ULK4: variants seen among roughly 807,000 people sequenced by gnomAD.
The protein encoded by ULK4 is unc-51 like kinase 4.
Under a neutral mutation model 160.6 loss-of-function variants are expected in ULK4, and 133 were observed. That is an observed-to-expected ratio of 0.83 (90% confidence interval 0.72 to 0.96). The LOEUF (loss-of-function observed/expected upper bound fraction) is 0.96. Among genes scored for constraint, ULK4 ranks in the 40% least tolerant of loss-of-function variants. The pLI is 0.00. For synonymous variants in ULK4, 534 were observed against 539.8 expected, an observed-to-expected ratio of 0.99 and a Z score of 0.15; for missense variants, 1,580 against 1,499.5, an observed-to-expected ratio of 1.05 and a Z score of -0.89.
chr3:41,409,561 G>A (rs1487856090), intron 34 of ULK4, among the ~76,000 whole-genome samples: 1 of 152,116 alleles, frequency 6.6e-6, no homozygotes, highest in Non-Finnish European at 1.5e-5. Flanking sequence ...ATTTTTTAAT[G>A]AGCAAAGACT....
chr3:41,928,418 C>T (rs906966805), intron 5 of ULK4, among the ~76,000 whole-genome samples: 5 of 151,958 alleles, frequency 3.3e-5, no homozygotes, highest in Admixed American at 6.6e-5. Flanking sequence ...AAAATTGACA[C>T]CCTAACATCG....
chr3:41,706,802 T>C (rs1344475441), intron 25 of ULK4, among the ~76,000 whole-genome samples: 1 of 134,844 alleles, frequency 7.4e-6, no homozygotes, highest in East Asian at 2.2e-4. Context: ...CAGTCCAGCC[T>C]GGCCGACAGA....
chr3:41,597,080 C>T (rs1325296495), intron 31 of ULK4, among the ~76,000 whole-genome samples: 1 of 152,156 alleles, frequency 6.6e-6, no homozygotes, highest in Non-Finnish European at 1.5e-5. Flanking sequence ...CCTGCACGCT[C>T]CCCTCTCAGG....
intron 32 of ULK4, among the ~76,000 whole-genome samples, chr3:41,492,234 T>C (rs1178419468): frequency 6.6e-6 from 1 of 152,178 alleles, no homozygotes; most frequent in Admixed American, 6.5e-5. Context: ...TATAGTCCTT[T>C]GGGTATATAC....
intron 32 of ULK4, among the ~76,000 whole-genome samples, chr3:41,556,419 C>T (rs1052546166): frequency 1.3e-5 from 2 of 151,068 alleles, no homozygotes; most frequent in Non-Finnish European, 2.9e-5. Flanking sequence ...CATCACAGAG[C>T]TATCACTACT....
At chr3:41,372,325 C>A (rs187068503) in intron 35 of ULK4, among the ~76,000 whole-genome samples, 1 of 152,036 alleles carries the variant, frequency 6.6e-6, no homozygotes, top group African/African-American at 2.4e-5. Context: ...GGAAGAGCAA[C>A]CCCAAGAAAC....
At chr3:41,471,788 TA>T (rs900424835) in intron 32 of ULK4, among the ~76,000 whole-genome samples, 3 of 151,602 alleles carry the variant, frequency 2.0e-5, no homozygotes, top group African/African-American at 4.8e-5. Context: ...AAGGAAAATT[TA>T]AAAAAATTGA....
chr3:41,602,215 G>A (rs2032111479), intron 31 of ULK4, among the ~76,000 whole-genome samples: 1 of 142,708 alleles, frequency 7.0e-6, no homozygotes, highest in South Asian at 2.2e-4. Context: ...GGGAAGGGAA[G>A]GAAGAGAAGA....
Position 41,935,918 on chromosome 3 carries a change from A to G in ULK4, c.261T>C (p.Ile87=). 1.2e-6 allele frequency: 2 copies of G among 1,613,752 alleles called. No homozygotes were observed. The highest frequency in any genetic ancestry group is 1.7e-6 in the Non-Finnish European group (2 of 1,179,916). ...CTTCTGGGAGGTTTTCATCTTGAGC[A>G]ATAACTGTTTTTAAGGAACCACCTG... ...LCTGGSLKTV[I]AQDENLPEDV... Residue 87 remains isoleucine, a synonymous_variant, in exon 4 of 37, where the codon ATT becomes ATC. Transcript: ENST00000301831.
At chr3:41,957,295 AAT>A (rs151207782) in intron 1 of ULK4, among the ~76,000 whole-genome samples, 18,683 of 151,784 alleles carry the variant, frequency 0.12, 1,343 homozygotes, top group Middle Eastern at 0.26. Flanking sequence ...CTCTACTAAA[AAT>A]ACAAAAATTA....
At chr3:41,547,667 T>G (rs2086910554) in intron 32 of ULK4, among the ~76,000 whole-genome samples, 2 of 152,142 alleles carry the variant, frequency 1.3e-5, no homozygotes, top group Admixed American at 1.3e-4. Flanking sequence ...AGAATGGCAT[T>G]CTGAGCACCC....
intron 32 of ULK4, among the ~76,000 whole-genome samples, chr3:41,494,629 G>A (rs1340673263): frequency 6.6e-5 from 10 of 152,140 alleles, no homozygotes; most frequent in Non-Finnish European, 4.4e-5. Context: ...AGGAAAAGAG[G>A]AAGTCAAATT....
At chr3:41,579,429 T>G (rs1055735479) in intron 31 of ULK4, among the ~76,000 whole-genome samples, 2 of 151,286 alleles carry the variant, frequency 1.3e-5, no homozygotes, top group Non-Finnish European at 2.9e-5. Flanking sequence ...CCACAGATGC[T>G]AGCTCCAAAG....
chr3:41,517,815 A>T (rs2125928931), intron 32 of ULK4, among the ~76,000 whole-genome samples: 1 of 152,294 alleles, frequency 6.6e-6, no homozygotes, highest in Non-Finnish European at 1.5e-5. Context: ...TCACTGGCCT[A>T]GTTTTTGTCA....
At chr3:41,317,988 G>A (rs1054466381) in intron 35 of ULK4, among the ~76,000 whole-genome samples, 2 of 152,208 alleles carry the variant, frequency 1.3e-5, no homozygotes, top group African/African-American at 4.8e-5. Context: ...CCTCTTGGCA[G>A]TGCCATTTCA....
chr3:41,352,432 A>C (rs2080930208), intron 35 of ULK4, among the ~76,000 whole-genome samples: 1 of 152,200 alleles, frequency 6.6e-6, no homozygotes, highest in Non-Finnish European at 1.5e-5. Flanking sequence ...ATAAAAGAAA[A>C]CTTAAATCTC....
At chr3:41,689,277 G>A (rs974441756) in intron 27 of ULK4, among the ~76,000 whole-genome samples, 3 of 152,184 alleles carry the variant, frequency 2.0e-5, no homozygotes, top group Non-Finnish European at 4.4e-5. Flanking sequence ...CTACCCACCA[G>A]TGTAAGTCAT....
intron 30 of ULK4, among the ~76,000 whole-genome samples, chr3:41,618,488 G>T (rs970683376): frequency 2.6e-5 from 4 of 152,152 alleles, no homozygotes; most frequent in Admixed American, 2.6e-4. Context: ...TTAAAGAAAA[G>T]AATTTTCAAC....
At chr3:41,847,849 G>C (rs143319066) in intron 17 of ULK4, among the ~76,000 whole-genome samples, 1 of 152,164 alleles carries the variant, frequency 6.6e-6, no homozygotes, top group East Asian at 1.9e-4. Flanking sequence ...TCAAACTCTT[G>C]GTTTCACAAG....
Sources: allele counts gnomAD v4.1 joint callset (sites outside exome capture counted in the v4.1 genomes callset), GRCh38; gene constraint gnomAD v4.1.1; transcripts MANE v1.5; gene names NCBI Gene and HGNC (gene_info 2026-07-23, HGNC 2026-07-21).